The following CEP192 variants were observed in gnomAD, a reference collection of about 807,000 sequenced individuals.
The protein encoded by CEP192 is centrosomal protein 192.
In CEP192, 151 loss-of-function variants were observed where a neutral mutation model predicts 271.8. The observed-to-expected ratio is 0.56, with a 90% CI of 0.49 to 0.64. CEP192 has a LOEUF of 0.64. Among genes scored for constraint, CEP192 ranks in the 30% least tolerant of loss-of-function variants. The probability of loss-of-function intolerance (pLI) is 0.00; values close to 1 mark genes in which losing one functional copy is unlikely to be tolerated. For synonymous variants in CEP192, 995 were observed against 1,076.5 expected, an observed-to-expected ratio of 0.92 and a Z score of 1.48; for missense variants, 2,910 against 3,020.5, an observed-to-expected ratio of 0.96 and a Z score of 0.86.
intron 36 of CEP192, 41 bp downstream of exon 36, chr18:13,096,348 G>C (rs907773622): frequency 6.3e-7 from 1 of 1,589,860 alleles, no homozygotes; most frequent in African/African-American, 1.4e-5. Context: ...TTACTTAGGT[G>C]CTGGCTTGGT....
At chr18:13,111,129 TTTG>T (rs745917096) in intron 40 of CEP192, among the ~76,000 whole-genome samples, 8 of 152,032 alleles carry the variant, frequency 5.3e-5, no homozygotes, top group Non-Finnish European at 1.0e-4. Context: ...TTTGTGGGGT[TTTG>T]TTGTTGTTTT....
intron 30 of CEP192, among the ~76,000 whole-genome samples, chr18:13,075,139 G>A (rs181000441): frequency 6.6e-6 from 1 of 152,328 alleles, no homozygotes; most frequent in African/African-American, 2.4e-5. Flanking sequence ...CTGCCCTCGG[G>A]AATGGATTAA....
rs1333135709 is a variant in CEP192 at position 13,070,972 on chromosome 18, CAT to C, written c.5175-63_5175-62del. The stretch of plus-strand genomic sequence containing the variant: ...AGTTCAGTCTTTTGGACAATGGAAA[CAT>C]ATAGGAAATAGTTGCGAAAAGAATT... On this transcript the variant is annotated intron_variant, in intron 27 of 44. Coordinates refer to ENST00000506447, the MANE Select transcript of CEP192 (RefSeq NM_032142.4). 15 of 1,323,708 alleles carry C rather than the reference CAT, an allele frequency of 1.1e-5. No individual in the cohort carries two copies. The East Asian group carries it at 2.1e-4, about 18-fold the overall frequency. The allele number at this position is 1,323,708 out of a possible 1,614,324, so 82.0% of individuals were successfully genotyped here.
rs1210075234 is a variant in CEP192 at position 13,087,161 on chromosome 18, C to T, written c.5761C>T (p.Arg1921Ter). The change falls in exon 31 of 45, where the codon CGA (arginine) becomes TGA (stop). Residue 1921 changes from arginine to a stop codon, truncating the protein, a stop_gained. Coordinates refer to ENST00000506447, the MANE Select transcript of CEP192 (RefSeq NM_032142.4). LOFTEE classifies it high-confidence loss of function. ...TTTTTCTGTCCGCAACACTGGCTCC[C>T]GAGCAGCTTTTGTTAAAGCAGTAGG... ...IVFSVRNTGSRAAFVKAVGFK... is the reference protein window; with the variant it reads ...IVFSVRNTGS 5 of 1,613,956 alleles carry T rather than the reference C, an allele frequency of 3.1e-6. No individual in the cohort carries two copies. Among genetic ancestry groups the T allele is most frequent in the Admixed American group, 1.7e-5 (1 of 59,996 alleles).
chr18:13,070,666 C>T (rs369426836), intron 27 of CEP192, among the ~76,000 whole-genome samples: 57 of 152,322 alleles, frequency 3.7e-4, no homozygotes, highest in African/African-American at 1.3e-3. Flanking sequence ...AACACTTTAT[C>T]GTGTGCTCAG....
At position 13,117,489 on chromosome 18, in the gene CEP192, A is replaced by T. The variant is rs1401490678; in HGVS notation, c.7417-96A>T. The T allele has an allele frequency of 3.4e-6, 3 of 886,742 alleles. No individual in the cohort carries two copies. The East Asian group carries it at 7.5e-5, about 22-fold the overall frequency. The allele number at this position is 886,742 out of a possible 1,614,324, so 54.9% of individuals were successfully genotyped here. A position where few individuals can be genotyped will look rare whatever the true frequency, so the allele number is the denominator to read the frequency against. On this transcript the variant is annotated intron_variant, in intron 43 of 44. Coordinates refer to ENST00000506447, the MANE Select transcript of CEP192 (RefSeq NM_032142.4). ...ATTTTGTGGCAATACCTAAATTTAC[A>T]AAATGTATCTGTAATAAATAAATGC...
chr18:13,073,264 AC>A, intron 30 of CEP192, 79 bp downstream of exon 30: 1 of 1,240,974 alleles, frequency 8.1e-7, no homozygotes, highest in Non-Finnish European at 1.1e-6. Context: ...TGTAAATTAT[AC>A]AGTCTGCCTT....
At chr18:13,114,347 G>A in intron 42 of CEP192, 96 bp downstream of exon 42, 1 of 1,309,968 alleles carries the variant, frequency 7.6e-7, no homozygotes, top group Non-Finnish European at 1.1e-6. Flanking sequence ...GAGTTCACAT[G>A]TGTTACCAGC....
At chr18:13,111,218 G>A (rs2040194237) in intron 40 of CEP192, among the ~76,000 whole-genome samples, 3 of 152,126 alleles carry the variant, frequency 2.0e-5, no homozygotes, top group Admixed American at 6.5e-5. Context: ...TCTGCCTCCT[G>A]GGTTCAAGTG....
chr18:13,084,615 C>A (rs1161643573), intron 30 of CEP192, among the ~76,000 whole-genome samples: 2 of 152,080 alleles, frequency 1.3e-5, no homozygotes, highest in Non-Finnish European at 2.9e-5. Flanking sequence ...TTCAGCTCAC[C>A]CTCCGTGGGC....
intron 33 of CEP192, among the ~76,000 whole-genome samples, chr18:13,091,310 C>T (rs905760922): frequency 6.6e-6 from 1 of 152,148 alleles, no homozygotes; most frequent in Non-Finnish European, 1.5e-5. Context: ...GTCAAGATTG[C>T]CCATCTAAGG....
chr18:13,068,860 G>T lies in CEP192; in HGVS notation c.4831G>T (p.Asp1611Tyr). ...AATGAACTTTTTTTTAGATATTCTG[G>T]ACTCAGCAGAAGAATTCTCGGCAAA... Reference protein sequence around the residue: ...KKQISSSDILDSAEEFSAKVD... With the variant: ...KKQISSSDILYSAEEFSAKVD... Residue 1611 changes from aspartate to tyrosine, a missense_variant, in exon 25 of 45, where the codon GAC becomes TAC. By Grantham distance (160) the Asp-to-Tyr change is radical. Transcript: ENST00000506447. The T allele has an allele frequency of 6.2e-7, 1 of 1,614,110 alleles. No homozygotes were observed. Among genetic ancestry groups the T allele is most frequent in the South Asian group, 1.1e-5 (1 of 91,074 alleles).
intron 6 of CEP192, among the ~76,000 whole-genome samples, chr18:13,016,904 C>G (rs1295832641): frequency 6.6e-6 from 1 of 152,168 alleles, no homozygotes; most frequent in African/African-American, 2.4e-5. Flanking sequence ...GCTTTCTTCT[C>G]ATTGATTTGT....
chr18:12,993,088 C>T (rs927856309), intron 1 of CEP192, among the ~76,000 whole-genome samples: 6 of 152,064 alleles, frequency 3.9e-5, no homozygotes, highest in Admixed American at 6.5e-5. Flanking sequence ...TGATGGGCAA[C>T]GGGCATTAGG....
In CEP192 at chr18:13,057,635, G is replaced by A. The variant is rs758195496; in HGVS notation, c.4159G>A (p.Gly1387Arg). 3.5e-5 allele frequency: 56 copies of A among 1,613,916 alleles called. No homozygotes were observed. Among genetic ancestry groups the A allele is most frequent in the Admixed American group, 8.3e-5 (5 of 59,978 alleles). ...ELKLPHACCV[G>R]IASQTLLSVL... ...GAAGCTTCCTCATGCTTGCTGTGTCGGGATCGCTTCCCAGACCCTCCTCAG... is the reference window on the plus strand; with the variant it reads ...GAAGCTTCCTCATGCTTGCTGTGTCAGGATCGCTTCCCAGACCCTCCTCAG... The change falls in exon 20 of 45, where the codon GGG becomes AGG. Residue 1387 changes from glycine (G) to arginine (R), a missense_variant. By Grantham distance (125) the Gly-to-Arg change is moderately radical (BLOSUM62 -2). Transcript: ENST00000506447.
intron 34 of CEP192, 25 bp downstream of exon 34, chr18:13,092,552 TCAC>T (rs764475901): frequency 1.3e-6 from 2 of 1,539,052 alleles, no homozygotes; most frequent in South Asian, 2.4e-5. Context: ...CAGAAATCTT[TCAC>T]CAGATTTCAG....
chr18:13,044,036 A>G (rs543815491), intron 15 of CEP192, among the ~76,000 whole-genome samples: 2 of 152,258 alleles, frequency 1.3e-5, no homozygotes, highest in South Asian at 2.1e-4. Context: ...TTATTTGTAA[A>G]TGTACAATTA....
At chr18:13,059,436 G>T in intron 21 of CEP192, 124 bp downstream of exon 21, 1 of 687,610 alleles carries the variant, frequency 1.5e-6, no homozygotes, top group Non-Finnish European at 2.5e-6. Context: ...GTTTCAAGCT[G>T]AACTTTGGTT....
At chr18:13,086,359 G>A (rs1385289706) in intron 30 of CEP192, among the ~76,000 whole-genome samples, 2 of 152,160 alleles carry the variant, frequency 1.3e-5, no homozygotes, top group Non-Finnish European at 2.9e-5. Flanking sequence ...CTTCCTATTT[G>A]AAGACGCTTT....
Sources: gnomAD v4.1 joint callset for allele counts (sites outside exome capture counted in the v4.1 genomes callset) on GRCh38, gnomAD v4.1.1 for gene constraint, MANE v1.5 for transcripts, NCBI Gene and HGNC (gene_info 2026-07-23, HGNC 2026-07-21) for gene names.